ASMTL: variants seen among roughly 807,000 people sequenced by gnomAD.
ASMTL encodes the protein acetylserotonin O-methyltransferase like, also known as probable bifunctional dTTP/UTP pyrophosphatase/methyltransferase protein.
ASMTL carries 57 observed loss-of-function variants against 60.3 expected under a neutral mutation model. The ratio of observed to expected loss-of-function variants is 0.95; its 90% CI spans 0.76 to 1.18. The LOEUF is 1.18. Among genes scored for constraint, ASMTL ranks in the 50% most tolerant of loss-of-function variants. The pLI is 0.00. For synonymous variants in ASMTL, 419 were observed against 373.0 expected (o/e 1.12, Z -1.42); for missense variants, 981 against 852.6 (o/e 1.15, Z -1.88).
chrX:1,437,625 T>C (rs868448849), intron 3 of ASMTL, among the ~76,000 whole-genome samples: 20 of 151,792 alleles, frequency 1.3e-4, no homozygotes, highest in Admixed American at 3.3e-4. Context: ...GGGCCGGGCG[T>C]GGTGGCTCAC....
chrX:1,451,960 CG>C (rs1397320746), intron 1 of ASMTL, among the ~76,000 whole-genome samples: 1 of 128,406 alleles, frequency 7.8e-6, no homozygotes, highest in Non-Finnish European at 1.7e-5. Context: ...ATGCCTAGGG[CG>C]TCCTGGGTTA....
At chrX:1,411,571 G>A (rs1316849375) in intron 12 of ASMTL, among the ~76,000 whole-genome samples, 20 of 152,116 alleles carry the variant, frequency 1.3e-4, no homozygotes, top group South Asian at 4.1e-4. Flanking sequence ...GAGATGGTGC[G>A]TGCTGTGTGT....
intron 6 of ASMTL, among the ~76,000 whole-genome samples, chrX:1,431,398 A>G (rs2090782487): frequency 7.3e-6 from 1 of 136,472 alleles, no homozygotes. Flanking sequence ...TACCTATTAT[A>G]TAATCTATTT....
At position 1,408,192 on chromosome X, in the gene ASMTL, A is replaced by C. The variant is rs866413738; in HGVS notation, c.1645+4540T>G. Among the ~76,000 whole-genome samples, 419 of 59,742 alleles carry C rather than the reference A, an allele frequency of 7.0e-3. 2 individuals are homozygous for C. Among genetic ancestry groups the C allele is most frequent in the Middle Eastern group, 0.028 (4 of 142 alleles). The allele number at this position is 59,742 out of a possible 152,430, so 39.2% of individuals were successfully genotyped here. ...CTCCAGCCAAATGCTGGTACTCCCA[A>C]ATACTCGGGAGGCTGAGGCAGGAGG... On this transcript the variant is annotated intron_variant, in intron 12 of 12. Coordinates refer to ENST00000381317, the MANE Select transcript of ASMTL (RefSeq NM_004192.4).
intron 1 of ASMTL, among the ~76,000 whole-genome samples, chrX:1,452,135 C>G (rs745870516): frequency 8.6e-5 from 13 of 150,372 alleles, no homozygotes; most frequent in African/African-American, 3.2e-4. Context: ...TCTCCCCAAC[C>G]CCATCCCTAG....
At chrX:1,424,511 C>T (rs1479100835) in intron 8 of ASMTL, among the ~76,000 whole-genome samples, 13 of 149,576 alleles carry the variant, frequency 8.7e-5, no homozygotes, top group African/African-American at 3.0e-4. Context: ...CATCTATCCA[C>T]ACATCTATCC....
rs376639012 is a variant in ASMTL, at chrX:1,435,098, C to G, written c.339-15G>C. Reference sequence around the variant, plus strand: ...TCCCACTCAACCTGTAAGACAACAACGGGTGACCACGTGACCATGCTGTGA... The same window carrying G: ...TCCCACTCAACCTGTAAGACAACAAGGGGTGACCACGTGACCATGCTGTGA... On this transcript the variant is annotated splice_polypyrimidine_tract_variant and intron_variant, in intron 4 of 12. Coordinates refer to ENST00000381317, the MANE Select transcript of ASMTL (RefSeq NM_004192.4). 6 of 1,613,742 alleles carry G rather than the reference C, an allele frequency of 3.7e-6. No individual in the cohort carries two copies. The African/African-American group carries it at 6.7e-5, about 18-fold the overall frequency.
At chrX:1,420,212 A>C (rs2090442867) in intron 9 of ASMTL, among the ~76,000 whole-genome samples, 2 of 140,292 alleles carry the variant, frequency 1.4e-5, no homozygotes, top group African/African-American at 5.4e-5. Context: ...CTGTCTCTCC[A>C]TCTCTCTCCC....
chrX:1,411,999 T>C (rs2090047393), intron 12 of ASMTL, among the ~76,000 whole-genome samples: 1 of 151,882 alleles, frequency 6.6e-6, no homozygotes, highest in Admixed American at 6.6e-5. Context: ...TTGTTTTTAA[T>C]AGAGACGGGG....
At chrX:1,413,428 C>A (rs1475554466) in intron 11 of ASMTL, among the ~76,000 whole-genome samples, 4 of 152,210 alleles carry the variant, frequency 2.6e-5, no homozygotes, top group Non-Finnish European at 4.4e-5. Context: ...GGGCGTGTGC[C>A]AGGGAGAGTC....
At chrX:1,452,959 C>G (rs1440437283), upstream of ASMTL, 1 of 779,394 alleles carries the variant, frequency 1.3e-6, no homozygotes, top group African/African-American at 1.9e-5. Flanking sequence ...CACGCCCCCG[C>G]CCGCCTCCGC....
intron 12 of ASMTL, among the ~76,000 whole-genome samples, chrX:1,410,669 C>A (rs1228569210): frequency 1.3e-5 from 2 of 151,946 alleles, no homozygotes. Flanking sequence ...GCTTTGGCCT[C>A]CCAAAGTGCT....
In ASMTL at chrX:1,422,475, T is replaced by G. The variant is rs147152101; in HGVS notation, c.1061-633A>C. On this transcript the variant is annotated intron_variant, in intron 8 of 12. Transcript: ENST00000381317. Reference sequence around the variant, plus strand: ...CTAGGTTATATCCTAGGGGTTCTGTTACCCTGGAGAGCCCCAAATGATACA... The same window carrying G: ...CTAGGTTATATCCTAGGGGTTCTGTGACCCTGGAGAGCCCCAAATGATACA... Among the ~76,000 whole-genome samples the G allele has an allele frequency of 5.2e-3, 788 of 152,170 alleles. 5 individuals are homozygous for G. Among genetic ancestry groups the G allele is most frequent in the African/African-American group, 0.017 (712 of 41,496 alleles).
rs759495343 is a variant in ASMTL at position 1,435,074 on chromosome X, C to G, written c.348G>C (p.Gly116=). Reference sequence around the variant, plus strand: ...CACCTGTGAACACGCTGTGTTCTCTCCCACTCAACCTGTAAGACAACAACG... The same window carrying G: ...CACCTGTGAACACGCTGTGTTCTCTGCCACTCAACCTGTAAGACAACAACG... ...DAYRMLSRLS[G]REHSVFTGVA... The change falls in exon 5 of 13, where the codon GGG becomes GGC. Residue 116 remains glycine, a synonymous_variant. Transcript: ENST00000381317. The G allele has an allele frequency of 6.2e-7, 1 of 1,613,954 alleles. No individual in the cohort carries two copies. The highest frequency in any genetic ancestry group is 1.1e-5 in the South Asian group (1 of 91,078).
intron 1 of ASMTL, among the ~76,000 whole-genome samples, chrX:1,445,952 G>A (rs2091222098): frequency 6.6e-6 from 1 of 152,062 alleles, no homozygotes; most frequent in Admixed American, 6.6e-5. Context: ...AGAAGACTCT[G>A]CTCCTCCACC....
At chrX:1,408,018 C>T (rs1272229382) in intron 12 of ASMTL, among the ~76,000 whole-genome samples, 56 of 144,410 alleles carry the variant, frequency 3.9e-4, no homozygotes, top group South Asian at 1.4e-3. Flanking sequence ...TGGGCAACAT[C>T]GCAAGATCCC....
intron 6 of ASMTL, chrX:1,432,015 C>T: frequency 1.8e-6 from 1 of 569,126 alleles, no homozygotes; most frequent in East Asian, 2.9e-5. Flanking sequence ...CCAGCGCCTC[C>T]CCAGTCCCCA....
At chrX:1,447,222 C>T (rs1340730221) in intron 1 of ASMTL, among the ~76,000 whole-genome samples, 2 of 152,234 alleles carry the variant, frequency 1.3e-5, no homozygotes. Flanking sequence ...ACCCCTCGTC[C>T]TGTTATAACT....
Position 1,444,558 on chromosome X carries a change from G to A in ASMTL, c.94-2241C>T, listed in dbSNP as rs189164442. Among the ~76,000 whole-genome samples, 48 of 152,168 alleles carry A rather than the reference G, an allele frequency of 3.2e-4. 1 individual carries two copies. The East Asian group carries it at 6.0e-3, about 19-fold the overall frequency. On this transcript the variant is annotated intron_variant, in intron 1 of 12. Transcript: ENST00000381317. ...TTCTTAAACTCTTACATTTGGTGCC[G>A]AAACCCAGGACAGGTGTTACGGACA...
Sources: allele counts gnomAD v4.1 joint callset (sites outside exome capture counted in the v4.1 genomes callset), GRCh38; gene constraint gnomAD v4.1.1; transcripts MANE v1.5; gene names NCBI Gene and HGNC (gene_info 2026-07-23, HGNC 2026-07-21).